Variants in RGS7 observed in about 807,000 individuals in gnomAD.
RGS7 encodes the protein regulator of G-protein signaling 7.
Under a neutral mutation model 81.1 loss-of-function variants are expected in RGS7, and 27 were observed. The observed-to-expected ratio is 0.33, with a 90% CI of 0.25 to 0.46. The LOEUF (loss-of-function observed/expected upper bound fraction) is 0.46. Ranked by LOEUF, RGS7 falls within the 20% of genes least tolerant of loss-of-function variation. RGS7 has a pLI of 1.00. For missense variants in RGS7, 396 were observed against 607.4 expected, an observed-to-expected ratio of 0.65 and a Z score of 3.66; for synonymous variants, 208 against 207.7, an observed-to-expected ratio of 1.00 and a Z score of -0.01.
intron 2 of RGS7, among the ~76,000 whole-genome samples, chr1:241,250,328 A>T (rs1319473329): frequency 6.6e-6 from 1 of 152,228 alleles, no homozygotes; most frequent in Non-Finnish European, 1.5e-5. Context: ...ACACTAGTGA[A>T]ACAGGGCACA....
intron 9 of RGS7, among the ~76,000 whole-genome samples, chr1:240,831,911 A>G (rs1207619307): frequency 6.6e-6 from 1 of 152,232 alleles, no homozygotes; most frequent in East Asian, 1.9e-4. Flanking sequence ...TGCTGGAATT[A>G]CAGGCATGAG....
chr1:241,211,901 A>G (rs2074262977), intron 2 of RGS7, among the ~76,000 whole-genome samples: 2 of 152,184 alleles, frequency 1.3e-5, no homozygotes, highest in Non-Finnish European at 2.9e-5. Context: ...GTTAGGTGAA[A>G]AGCATTCTGT....
intron 4 of RGS7, among the ~76,000 whole-genome samples, chr1:240,978,646 C>T (rs368734525): frequency 6.6e-6 from 1 of 151,912 alleles, no homozygotes; most frequent in South Asian, 2.1e-4. Flanking sequence ...AAATAATAAT[C>T]GAGATGTAGA....
chr1:240,791,110 T>C (rs570663964), intron 18 of RGS7, among the ~76,000 whole-genome samples: 1 of 152,286 alleles, frequency 6.6e-6, no homozygotes, highest in African/African-American at 2.4e-5. Flanking sequence ...AAACTGATGA[T>C]GAACTTTTTT....
intron 2 of RGS7, among the ~76,000 whole-genome samples, chr1:241,281,075 T>C (rs1441406709): frequency 1.3e-5 from 2 of 152,096 alleles, no homozygotes; most frequent in African/African-American, 2.4e-5. Context: ...AAAAGTTAGG[T>C]ATGCCATAAA....
chr1:240,911,986 CAA>C (rs756359806), intron 6 of RGS7, among the ~76,000 whole-genome samples: 5 of 128,002 alleles, frequency 3.9e-5, no homozygotes, highest in Non-Finnish European at 5.1e-5. Flanking sequence ...CTAAAAATAC[CAA>C]AAAAAAAAAA....
intron 4 of RGS7, among the ~76,000 whole-genome samples, chr1:240,975,864 G>T (rs1455075477): frequency 1.3e-5 from 2 of 152,264 alleles, no homozygotes; most frequent in Non-Finnish European, 2.9e-5. Context: ...GAACGTGGAA[G>T]AACGTTGCCA....
intron 3 of RGS7, among the ~76,000 whole-genome samples, chr1:240,986,056 T>C (rs1389852602): frequency 6.6e-6 from 1 of 152,134 alleles, no homozygotes; most frequent in East Asian, 1.9e-4. Context: ...GCATTCTATT[T>C]ACCTTGATTT....
chr1:241,207,154 A>C (rs1397158789), intron 2 of RGS7, among the ~76,000 whole-genome samples: 2 of 150,910 alleles, frequency 1.3e-5, no homozygotes, highest in African/African-American at 4.9e-5. Flanking sequence ...TTTTTAGTAG[A>C]GACGGGGTTT....
intron 2 of RGS7, among the ~76,000 whole-genome samples, chr1:241,329,674 G>A (rs74353318): frequency 1.3e-5 from 2 of 152,230 alleles, no homozygotes; most frequent in African/African-American, 4.8e-5. Context: ...TAAGAAACAG[G>A]TTCTCTTGGG....
chr1:241,162,864 T>C (rs1387870309), intron 2 of RGS7, among the ~76,000 whole-genome samples: 2 of 152,222 alleles, frequency 1.3e-5, no homozygotes, highest in Admixed American at 6.5e-5. Flanking sequence ...GAATTTGAAG[T>C]AAGGCAGTCT....
At chr1:240,996,267 GC>G (rs1687270473) in intron 3 of RGS7, among the ~76,000 whole-genome samples, 1 of 152,110 alleles carries the variant, frequency 6.6e-6, no homozygotes, top group African/African-American at 2.4e-5. Context: ...AAAACACCAT[GC>G]TTTTTGCTGT....
chr1:240,898,936 C>CT (rs1239299034), intron 6 of RGS7, among the ~76,000 whole-genome samples: 1 of 152,140 alleles, frequency 6.6e-6, no homozygotes, highest in East Asian at 1.9e-4. Context: ...TTGTAGGTCT[C>CT]TAAGGACTTG....
intron 2 of RGS7, among the ~76,000 whole-genome samples, chr1:241,252,252 C>T (rs2076869879): frequency 1.3e-5 from 2 of 152,086 alleles, no homozygotes; most frequent in African/African-American, 4.8e-5. Flanking sequence ...CCATGTTGAC[C>T]AGGCTGGTCT....
intron 2 of RGS7, among the ~76,000 whole-genome samples, chr1:241,329,935 G>GTTTGTTTTTTGTTT (rs760382533): frequency 6.6e-6 from 1 of 151,038 alleles, no homozygotes. Context: ...TTTTTTGTTT[G>GTTTGTTTTTTGTTT]TTTGTTTTTT....
intron 6 of RGS7, among the ~76,000 whole-genome samples, chr1:240,885,424 C>T (rs193020548): frequency 6.6e-6 from 1 of 152,158 alleles, no homozygotes. Flanking sequence ...GAACAGAAAT[C>T]ATTCTCCCAT....
At chr1:240,967,568 T>TC (rs1331645254) in intron 4 of RGS7, among the ~76,000 whole-genome samples, 2 of 54,000 alleles carry the variant, frequency 3.7e-5, no homozygotes, top group East Asian at 5.8e-4. Context: ...TGCCAAGAAG[T>TC]GGGGGGGGGG....
At chr1:241,307,431 C>T (rs1030748460) in intron 2 of RGS7, among the ~76,000 whole-genome samples, 1 of 152,152 alleles carries the variant, frequency 6.6e-6, no homozygotes, top group African/African-American at 2.4e-5. Flanking sequence ...TATCCTGGTA[C>T]TTCCCACTTA....
chr1:240,845,737 C>T (rs140766618), intron 9 of RGS7, among the ~76,000 whole-genome samples: 47 of 152,252 alleles, frequency 3.1e-4, no homozygotes, highest in African/African-American at 7.9e-4. Flanking sequence ...TTATTGTCAT[C>T]GATAGTAATC....
Sources: gnomAD v4.1 joint callset for allele counts (sites outside exome capture counted in the v4.1 genomes callset) on GRCh38, gnomAD v4.1.1 for gene constraint, MANE v1.5 for transcripts, NCBI Gene and HGNC (gene_info 2026-07-23, HGNC 2026-07-21) for gene names.